The following NHSL1 variants were observed in gnomAD, a reference collection of about 807,000 sequenced individuals.
NHSL1 encodes the protein NHS-like protein 1.
In NHSL1, 48 loss-of-function variants were observed where a neutral mutation model predicts 95.0. The ratio of observed to expected loss-of-function variants is 0.51; its 90% CI spans 0.40 to 0.64. The LOEUF (loss-of-function observed/expected upper bound fraction) is 0.64. Ranked by LOEUF, NHSL1 falls within the 30% of genes least tolerant of loss-of-function variation. The probability of loss-of-function intolerance (pLI) is 0.00; values close to 1 mark genes in which losing one functional copy is unlikely to be tolerated. For missense variants in NHSL1, 1,971 were observed against 2,077.7 expected (o/e 0.95, Z 1.00); for synonymous variants, 783 against 833.9 (o/e 0.94, Z 1.05).
intron 1 of NHSL1, among the ~76,000 whole-genome samples, chr6:138,578,787 C>A (rs9484176): frequency 0.26 from 39,344 of 151,844 alleles, 8,448 homozygotes; most frequent in African/African-American, 0.6. Context: ...GAAGGGACTG[C>A]AATTCTGAAC....
At chr6:138,546,085 C>G (rs1418914041), upstream of NHSL1, among the ~76,000 whole-genome samples, 1 of 152,178 alleles carries the variant, frequency 6.6e-6, no homozygotes, top group East Asian at 1.9e-4. Flanking sequence ...TCACTGACTT[C>G]ATTATTCCTT....
At chr6:138,629,147 A>G (rs1036765001) in intron 1 of NHSL1, among the ~76,000 whole-genome samples, 20 of 152,154 alleles carry the variant, frequency 1.3e-4, no homozygotes, top group African/African-American at 3.6e-4. Context: ...TACACATAGG[A>G]ATATTCTCCT....
chr6:138,603,579 G>A (rs1784397086), intron 1 of NHSL1, among the ~76,000 whole-genome samples: 1 of 152,154 alleles, frequency 6.6e-6, no homozygotes, highest in African/African-American at 2.4e-5. Flanking sequence ...GCTCAGCCTT[G>A]CCCTCAAGGG....
At chr6:138,641,329 C>T (rs183791099) in intron 1 of NHSL1, among the ~76,000 whole-genome samples, 26 of 152,196 alleles carry the variant, frequency 1.7e-4, no homozygotes, top group African/African-American at 4.1e-4. Context: ...GAATGCAGAA[C>T]GTGAATACAC....
At chr6:138,452,481 A>G (rs1284188999) in intron 3 of NHSL1, among the ~76,000 whole-genome samples, 1 of 152,232 alleles carries the variant, frequency 6.6e-6, no homozygotes, top group Non-Finnish European at 1.5e-5. Context: ...AAAGTTAGAA[A>G]ACTGAATTAT....
intron 1 of NHSL1, among the ~76,000 whole-genome samples, chr6:138,687,253 T>A (rs577679570): frequency 4.0e-5 from 6 of 150,586 alleles, no homozygotes; most frequent in African/African-American, 1.5e-4. Flanking sequence ...CTGCACAACG[T>A]ATGGAAACCT....
At chr6:138,548,903 C>G (rs1312599587), upstream of NHSL1, among the ~76,000 whole-genome samples, 3 of 150,622 alleles carry the variant, frequency 2.0e-5, no homozygotes, top group Non-Finnish European at 4.5e-5. Flanking sequence ...TTAAGCTACT[C>G]TCCTAAAGTT....
In NHSL1 at chr6:138,483,528, C is replaced by T. The variant is rs185870133; in HGVS notation, c.212-10095G>A. The stretch of plus-strand genomic sequence containing the variant: ...CCTTAAAATGCTTGGAGGGTTCTTA[C>T]ATTTATTTTAACATTCCACTCCAGC... On this transcript the variant is annotated intron_variant, in intron 2 of 7. Transcript: ENST00000343505. Among the ~76,000 whole-genome samples the T allele has an allele frequency of 1.3e-3, 197 of 152,282 alleles. 1 individual carries two copies. The highest frequency in any genetic ancestry group is 4.3e-3 in the African/African-American group (178 of 41,572).
chr6:138,572,879 A>G (rs1783893229), upstream of NHSL1, among the ~76,000 whole-genome samples: 1 of 152,194 alleles, frequency 6.6e-6, no homozygotes, highest in African/African-American at 2.4e-5. Flanking sequence ...AGATAGATAG[A>G]TAGATAGATA....
chr6:138,478,328 A>G (rs1339522474), intron 2 of NHSL1, among the ~76,000 whole-genome samples: 3 of 152,156 alleles, frequency 2.0e-5, no homozygotes, highest in Admixed American at 2.0e-4. Flanking sequence ...GAACAAATGA[A>G]ATATGATGCT....
At chr6:138,676,175 C>G (rs1785446029) in intron 1 of NHSL1, among the ~76,000 whole-genome samples, 1 of 152,010 alleles carries the variant, frequency 6.6e-6, no homozygotes, top group Non-Finnish European at 1.5e-5. Context: ...AGAGAACATG[C>G]TGAATAAATT....
intron 1 of NHSL1, among the ~76,000 whole-genome samples, chr6:138,596,507 G>A (rs1230850019): frequency 1.3e-5 from 2 of 152,218 alleles, no homozygotes; most frequent in Non-Finnish European, 2.9e-5. Flanking sequence ...GATGGACTAA[G>A]TGGATTGCTG....
At chr6:138,514,709 G>C (rs1268585051) in intron 1 of NHSL1, among the ~76,000 whole-genome samples, 3 of 152,156 alleles carry the variant, frequency 2.0e-5, no homozygotes, top group African/African-American at 4.8e-5. Context: ...CTTGAGCCTA[G>C]GAGTTCAAGA....
At position 138,430,886 on chromosome 6, in the gene NHSL1, C is replaced by A. The variant is rs1289496579; in HGVS notation, c.3459G>T (p.Ala1153=). ...GGCTCACAGGGCCACCACGCTCAGC[C>A]GCACTGCCATGGTCACCCTGACTCG... ...KSSSQGDHGS[A]AERGGPVSRS... The change falls in exon 6 of 8, where the codon GCG becomes GCT. Residue 1153 remains alanine (A), a synonymous_variant. Transcript: ENST00000343505. The surrounding 1 kb of genome is among the most constrained non-coding windows in gnomAD (Gnocchi z 4.7). 1 of 1,551,296 alleles carries A rather than the reference C, an allele frequency of 6.4e-7. No homozygotes were observed. The highest frequency in any genetic ancestry group is 1.2e-5 in the South Asian group (1 of 84,062).
chr6:138,526,553 C>G (rs76933356), intron 1 of NHSL1, among the ~76,000 whole-genome samples: 18,033 of 152,174 alleles, frequency 0.12, 2,140 homozygotes, highest in African/African-American at 0.31. Flanking sequence ...GTACTTGCCA[C>G]TTCCCTGCCC....
chr6:138,526,229 T>C (rs1156625244), intron 1 of NHSL1, among the ~76,000 whole-genome samples: 1 of 152,094 alleles, frequency 6.6e-6, no homozygotes, highest in Non-Finnish European at 1.5e-5. Flanking sequence ...ACACCTGTAA[T>C]CCCAGCACTT....
intron 1 of NHSL1, among the ~76,000 whole-genome samples, chr6:138,569,995 G>A (rs574027815): frequency 3.3e-5 from 5 of 152,244 alleles, no homozygotes; most frequent in African/African-American, 1.2e-4. Context: ...GTATCGCTAC[G>A]TAAGCAAGTC....
intron 1 of NHSL1, among the ~76,000 whole-genome samples, chr6:138,581,607 G>A (rs990244202): frequency 8.8e-5 from 13 of 147,520 alleles, no homozygotes; most frequent in African/African-American, 3.0e-4. Flanking sequence ...CAGGAGAATC[G>A]CTTGAACACA....
intron 1 of NHSL1, among the ~76,000 whole-genome samples, chr6:138,656,248 T>G (rs1373469632): frequency 6.6e-6 from 1 of 152,224 alleles, no homozygotes; most frequent in African/African-American, 2.4e-5. Context: ...TTCTGAAAAC[T>G]TACGAGTTTC....
Sources: gnomAD v4.1 joint callset for allele counts (sites outside exome capture counted in the v4.1 genomes callset) on GRCh38, gnomAD v4.1.1 for gene constraint, Gnocchi (gnomAD v3.1) non-coding constraint, MANE v1.5 for transcripts, NCBI Gene and HGNC (gene_info 2026-07-23, HGNC 2026-07-21) for gene names.